Variants in OPCML observed in about 807,000 individuals in gnomAD.
The protein encoded by OPCML is opioid binding protein/cell adhesion molecule like.
Under a neutral mutation model 37.8 loss-of-function variants are expected in OPCML, and 13 were observed. The ratio of observed to expected loss-of-function variants is 0.34; its 90% CI spans 0.22 to 0.55. OPCML has a LOEUF of 0.55. Among genes scored for constraint, OPCML ranks in the 20% least tolerant of loss-of-function variants. The pLI is 0.91. For synonymous variants in OPCML, 176 were observed against 168.8 expected, an observed-to-expected ratio of 1.04 and a Z score of -0.33; for missense variants, 341 against 435.6, an observed-to-expected ratio of 0.78 and a Z score of 1.93.
chr11:132,846,105 CG>C (rs756266707), intron 2 of OPCML, among the ~76,000 whole-genome samples: 1 of 152,172 alleles, frequency 6.6e-6, no homozygotes, highest in African/African-American at 2.4e-5. Flanking sequence ...ATCAAACACT[CG>C]GGGGGAAATT....
intron 1 of OPCML, among the ~76,000 whole-genome samples, chr11:133,222,420 G>A (rs766075401): frequency 8.5e-5 from 13 of 152,188 alleles, no homozygotes; most frequent in South Asian, 2.1e-4. Flanking sequence ...CCAACAGGAC[G>A]AGCTGAGGAA....
At position 132,969,287 on chromosome 11, in the gene OPCML, C is replaced by G. The variant is rs561106747; in HGVS notation, c.62-26277G>C. Among the ~76,000 whole-genome samples the G allele has an allele frequency of 1.6e-4, 24 of 152,248 alleles. No individual in the cohort carries two copies. In the South Asian group the frequency reaches 5.0e-3, roughly 32 times the overall value. ...TCCACCATTGTTTCTAACGAAATGTCCTCTGTTAATATTGTTGGAGAGTCC... is the reference window on the plus strand; with the variant it reads ...TCCACCATTGTTTCTAACGAAATGTGCTCTGTTAATATTGTTGGAGAGTCC... On this transcript the variant is annotated intron_variant, in intron 1 of 7. Transcript: ENST00000524381.
chr11:133,511,254 C>T lies in OPCML; in HGVS notation c.61+21010G>A, dbSNP rs1364953468. On this transcript the variant is annotated intron_variant, in intron 1 of 7. Transcript: ENST00000524381. ...GGGGCAGTATCTTCCTAACTGGTCT[C>T]TGCCTCTAAGCTTTAGCAACCAGAA... Among the ~76,000 whole-genome samples, 11 of 152,292 alleles carry T rather than the reference C, an allele frequency of 7.2e-5. No homozygotes were observed. In the East Asian group the frequency reaches 2.1e-3, roughly 29 times the overall value.
intron 1 of OPCML, among the ~76,000 whole-genome samples, chr11:133,136,707 G>T (rs1044132466): frequency 6.6e-6 from 1 of 152,080 alleles, no homozygotes. Context: ...GAGTGAGCAG[G>T]TGGAGCAAGA....
At chr11:132,481,671 A>G (rs922139560) in intron 4 of OPCML, among the ~76,000 whole-genome samples, 6 of 151,302 alleles carry the variant, frequency 4.0e-5, no homozygotes, top group African/African-American at 9.7e-5. Flanking sequence ...AGTTGGAAGT[A>G]AAGCTCTCCT....
intron 4 of OPCML, among the ~76,000 whole-genome samples, chr11:132,470,240 T>A (rs1270617186): frequency 6.6e-6 from 1 of 152,062 alleles, no homozygotes; most frequent in Admixed American, 6.5e-5. Context: ...GGCTAGGATG[T>A]TGGCAACAGT....
chr11:132,437,489 A>G, intron 4 of OPCML, 130 bp from the exon 5 acceptor site: 6 of 1,489,736 alleles, frequency 4.0e-6, no homozygotes, highest in Non-Finnish European at 5.3e-6. Flanking sequence ...CATCAAGTCA[A>G]AGACATAGGG....
chr11:132,632,366 T>C (rs1170820057), intron 3 of OPCML, among the ~76,000 whole-genome samples: 3 of 151,860 alleles, frequency 2.0e-5, no homozygotes, highest in Non-Finnish European at 4.4e-5. Flanking sequence ...TTTGCATTCG[T>C]TCCTTAACTC....
chr11:132,856,437 G>GTCAGGTGTCTA (rs1202835361), intron 2 of OPCML, among the ~76,000 whole-genome samples: 3 of 152,168 alleles, frequency 2.0e-5, no homozygotes, highest in African/African-American at 7.2e-5. Context: ...CTCCAGGAAT[G>GTCAGGTGTCTA]TCAGGTGTCT....
chr11:132,626,090 TG>T (rs1939723164), intron 3 of OPCML, among the ~76,000 whole-genome samples: 1 of 151,742 alleles, frequency 6.6e-6, no homozygotes, highest in African/African-American at 2.4e-5. Context: ...TTGCAGCATT[TG>T]GTATAAATAA....
chr11:132,976,254 C>T (rs999851759), intron 1 of OPCML, among the ~76,000 whole-genome samples: 1 of 152,144 alleles, frequency 6.6e-6, no homozygotes, highest in African/African-American at 2.4e-5. Context: ...GAAGGGTGGA[C>T]AGCTGCTGGA....
In OPCML at chr11:132,780,240, T is replaced by C. The variant is rs1458811580; in HGVS notation, c.147-122921A>G. 3.3e-5 allele frequency among the ~76,000 whole-genome samples: 5 copies of C among 152,196 alleles called. No individual in the cohort carries two copies. The East Asian group carries it at 9.6e-4, about 29-fold the overall frequency. Reference sequence around the variant, plus strand: ...TCTGGTAGTTTGCAACATTAAGCAGTGGTACAGCTCTCTGCTCCACACTGT... The same window carrying C: ...TCTGGTAGTTTGCAACATTAAGCAGCGGTACAGCTCTCTGCTCCACACTGT... On this transcript the variant is annotated intron_variant, in intron 2 of 7. Transcript: ENST00000524381.
chr11:132,643,866 A>G (rs1941003325), intron 3 of OPCML, among the ~76,000 whole-genome samples: 2 of 152,208 alleles, frequency 1.3e-5, no homozygotes, highest in African/African-American at 2.4e-5. Flanking sequence ...TAAATCACAT[A>G]TGAAATCTAC....
intron 3 of OPCML, among the ~76,000 whole-genome samples, chr11:132,634,949 C>T (rs1940393616): frequency 1.3e-5 from 2 of 151,868 alleles, no homozygotes; most frequent in African/African-American, 2.4e-5. Context: ...TGCCCTCTTA[C>T]TATGTTGTAA....
At chr11:132,854,310 T>C (rs1228969777) in intron 2 of OPCML, among the ~76,000 whole-genome samples, 1 of 152,204 alleles carries the variant, frequency 6.6e-6, no homozygotes, top group Non-Finnish European at 1.5e-5. Flanking sequence ...TTGGATGTGT[T>C]CTTGTTCATC....
chr11:132,704,906 G>C (rs1162663171), intron 2 of OPCML, among the ~76,000 whole-genome samples: 2 of 152,290 alleles, frequency 1.3e-5, no homozygotes, highest in Middle Eastern at 3.4e-3. Context: ...TTACAAAACA[G>C]AAGGTTAACA....
At chr11:132,790,010 T>C (rs911948852) in intron 2 of OPCML, among the ~76,000 whole-genome samples, 1 of 152,204 alleles carries the variant, frequency 6.6e-6, no homozygotes, top group African/African-American at 2.4e-5. Flanking sequence ...AACTTCTTCA[T>C]AAGTGTACGA....
chr11:132,454,662 T>G (rs1299874908), intron 4 of OPCML, among the ~76,000 whole-genome samples: 1 of 152,208 alleles, frequency 6.6e-6, no homozygotes, highest in Admixed American at 6.5e-5. Context: ...TGTGGCTTTC[T>G]GTAACCTATT....
intron 1 of OPCML, among the ~76,000 whole-genome samples, chr11:133,283,624 T>A (rs1942221092): frequency 6.6e-6 from 1 of 152,192 alleles, no homozygotes; most frequent in Non-Finnish European, 1.5e-5. Context: ...TCCTCACAGT[T>A]AACATTCTAA....
Sources: gnomAD v4.1 joint callset for allele counts (sites outside exome capture counted in the v4.1 genomes callset) on GRCh38, gnomAD v4.1.1 for gene constraint, MANE v1.5 for transcripts, NCBI Gene and HGNC (gene_info 2026-07-23, HGNC 2026-07-21) for gene names.